ISG20L2: variants seen among roughly 807,000 people sequenced by gnomAD.
ISG20L2 encodes interferon-stimulated 20 kDa exonuclease-like 2.
ISG20L2 carries 14 observed loss-of-function variants against 27.8 expected under a neutral mutation model. The observed-to-expected ratio is 0.50, with a 90% CI of 0.33 to 0.79. The LOEUF is 0.79. Among genes scored for constraint, ISG20L2 ranks in the 30% least tolerant of loss-of-function variants. The probability of loss-of-function intolerance (pLI) is 0.02; values close to 1 mark genes in which losing one functional copy is unlikely to be tolerated. For missense variants in ISG20L2, 393 were observed against 435.1 expected, an observed-to-expected ratio of 0.90 and a Z score of 0.86; for synonymous variants, 157 against 165.7, an observed-to-expected ratio of 0.95 and a Z score of 0.40.
chr1:156,724,167 A>T lies in ISG20L2; in HGVS notation c.929T>A (p.Leu310Gln). 11 of 1,612,800 alleles carry T rather than the reference A, an allele frequency of 6.8e-6. No individual in the cohort carries two copies. The highest frequency in any genetic ancestry group is 9.3e-6 in the Non-Finnish European group (11 of 1,179,686). ...TGCTACCTGGATATCCCGGTTTAGC[A>T]GCTTCTTGGTGAGATGCTTCAGAGA... ...TMSLKHLTKKLLNRDIQVGKS... is the reference protein window; with the variant it reads ...TMSLKHLTKKQLNRDIQVGKS... The change falls in exon 3 of 4, where the codon CTG (leucine) becomes CAG (glutamine). Residue 310 changes from leucine (L) to glutamine (Q), a missense_variant. By Grantham distance (113) the Leu-to-Gln change is moderately radical. Around this residue, in one of 3 missense-constraint regions of ISG20L2, gnomAD observed 171 missense variants for 195.3 expected, o/e 0.88. Coordinates refer to ENST00000368219, the MANE Select transcript of ISG20L2 (RefSeq NM_001370150.2).
Position 156,726,766 on chromosome 1 carries a change from G to C in ISG20L2, c.747+140C>G, listed in dbSNP as rs1006306043. 62 of 1,456,404 alleles carry C rather than the reference G, an allele frequency of 4.3e-5. No homozygotes were observed. The South Asian group carries it at 6.3e-4, about 15-fold the overall frequency. The allele number at this position is 1,456,404 out of a possible 1,614,324, so 90.2% of individuals were successfully genotyped here. A position where few individuals can be genotyped will look rare whatever the true frequency, so the allele number is the denominator to read the frequency against. ...TCACTGCTTCTTCCACCGACAGGGG[G>C]CCTTCTTCAACAACTGATAGATTCT... On this transcript the variant is annotated intron_variant, in intron 2 of 3. Transcript: ENST00000368219.
Position 156,726,773 on chromosome 1 carries a change from TCAA to T in ISG20L2, c.747+130_747+132del, listed in dbSNP as rs909425165. 908 of 1,469,294 alleles carry T rather than the reference TCAA, an allele frequency of 6.2e-4. 7 individuals carry two copies. In the African/African-American group the frequency reaches 0.011, roughly 18 times the overall value. The allele number at this position is 1,469,294 out of a possible 1,614,324, so 91.0% of individuals were successfully genotyped here. A position where few individuals can be genotyped will look rare whatever the true frequency, so the allele number is the denominator to read the frequency against. On this transcript the variant is annotated intron_variant, in intron 2 of 3. Transcript: ENST00000368219. ...TTCTTCCACCGACAGGGGGCCTTCT[TCAA>T]CAACTGATAGATTCTCCTCCCTCCC...
Position 156,723,109 on chromosome 1 carries a change from A to G in ISG20L2, c.*240T>C, listed in dbSNP as rs1323214652. 6.1e-6 allele frequency: 3 copies of G among 489,632 alleles called. No individual in the cohort carries two copies. The highest frequency in any genetic ancestry group is 5.4e-4 in the Middle Eastern group (1 of 1,848). The allele number at this position is 489,632 out of a possible 1,614,324, so 30.3% of individuals were successfully genotyped here. ...CTGTGGTTAGCACCATTTAAGAAGT[A>G]AAAGGTATAGGGTTGGGTTCTGACG... is the stretch of plus-strand genomic sequence containing the variant. On this transcript the variant is annotated 3_prime_UTR_variant, in exon 4 of 4. Coordinates refer to ENST00000368219, the MANE Select transcript of ISG20L2 (RefSeq NM_001370150.2).
intron 1 of ISG20L2, 39 bp downstream of exon 1, chr1:156,728,376 C>G (rs1648912221): frequency 2.0e-6 from 2 of 985,446 alleles, no homozygotes; most frequent in Non-Finnish European, 2.4e-6. Context: ...ACTTCGGATC[C>G]CCGCGGTACA....
rs1133856 is a variant in ISG20L2 at position 156,723,343 on chromosome 1, C to T, written c.*6G>A. On this transcript the variant is annotated 3_prime_UTR_variant, in exon 4 of 4. Coordinates refer to ENST00000368219, the MANE Select transcript of ISG20L2 (RefSeq NM_001370150.2). Reference sequence around the variant, plus strand: ...CCTCCTCATATCACCAGCGTCCCCACTGCCACTAGTCTGTAGGGGGATTCC... The same window carrying T: ...CCTCCTCATATCACCAGCGTCCCCATTGCCACTAGTCTGTAGGGGGATTCC... 0.044 allele frequency: 71,317 copies of T among 1,614,062 alleles called. 1,928 individuals carry two copies. Among genetic ancestry groups the T allele is most frequent in the Non-Finnish European group, 0.053 (62,133 of 1,179,946 alleles).
intron 2 of ISG20L2, chr1:156,724,630 A>G: frequency 8.5e-7 from 1 of 1,177,700 alleles, no homozygotes; most frequent in Non-Finnish European, 1.1e-6. Flanking sequence ...CTTCAGTCCT[A>G]AATGACACTC....
chr1:156,727,908 A>G (rs1648877425), intron 1 of ISG20L2, 139 bp from the exon 2 acceptor site: 1 of 1,244,168 alleles, frequency 8.0e-7, no homozygotes, highest in Non-Finnish European at 1.0e-6. Context: ...ACATAACATG[A>G]AATGATGGAG....
chr1:156,728,335 G>C (rs969772371), intron 1 of ISG20L2, 80 bp downstream of exon 1: 12 of 985,544 alleles, frequency 1.2e-5, no homozygotes, highest in Admixed American at 6.1e-5. Flanking sequence ...GGGTGGGATC[G>C]AGGCTTGAGG....
chr1:156,724,235 G>A lies in ISG20L2; in HGVS notation c.861C>T (p.Pro287=). The A allele has an allele frequency of 1.2e-6, 2 of 1,614,042 alleles. No individual in the cohort carries two copies. Among genetic ancestry groups the A allele is most frequent in the South Asian group, 1.1e-5 (1 of 91,072 alleles). The change falls in exon 3 of 4, where the codon CCC becomes CCT. Residue 287 remains proline (P), a synonymous_variant. Transcript: ENST00000368219. ...KSLTRDTSHI[P]PLNRKADCPE... ...GGCAGTCAGCCTTCCGGTTGAGGGG[G>A]GGGATATGGGAGGTGTCACGGGTGA...
rs954565907 is a variant in ISG20L2 at position 156,728,735 on chromosome 1, C to T, written c.-438G>A. On this transcript the variant is annotated 5_prime_UTR_variant, in exon 1 of 4. Transcript: ENST00000368219. Reference sequence around the variant, plus strand: ...CGGAACTGCAGCCCGCCGGACACCTCCGGCTTCACTTCCGTAAGAGGAGAG... The same window carrying T: ...CGGAACTGCAGCCCGCCGGACACCTTCGGCTTCACTTCCGTAAGAGGAGAG... The T allele has an allele frequency of 5.0e-6, 5 of 1,005,454 alleles. No homozygotes were observed. Among genetic ancestry groups the T allele is most frequent in the East Asian group, 1.0e-4 (1 of 9,910 alleles). 62.3% of individuals were successfully genotyped at this position (1,005,454 alleles called of 1,614,324 possible).
At chr1:156,727,894 G>T in intron 1 of ISG20L2, 125 bp from the exon 2 acceptor site, 1 of 1,271,570 alleles carries the variant, frequency 7.9e-7, no homozygotes, top group Non-Finnish European at 9.9e-7. Flanking sequence ...GAGGGGAAAT[G>T]AAAACATAAC....
At chr1:156,726,500 C>A in intron 2 of ISG20L2, 1 of 847,756 alleles carries the variant, frequency 1.2e-6, no homozygotes, top group Non-Finnish European at 1.4e-6. Flanking sequence ...GTGATCTCAG[C>A]TCACTGCAGC....
chr1:156,724,444 T>C, intron 2 of ISG20L2, 96 bp from the exon 3 acceptor site: 1 of 1,396,018 alleles, frequency 7.2e-7, no homozygotes, highest in Non-Finnish European at 9.6e-7. Flanking sequence ...CCTTCTGGAT[T>C]CTTTCACCAA....
Position 156,726,962 on chromosome 1 carries a change from C to T in ISG20L2, c.691G>A (p.Gly231Ser), listed in dbSNP as rs1248286676. 6.2e-7 allele frequency: 1 copy of T among 1,614,082 alleles called. No individual in the cohort carries two copies. Among genetic ancestry groups the T allele is most frequent in the Non-Finnish European group, 8.5e-7 (1 of 1,180,050 alleles). Residue 231 changes from glycine (G) to serine (S), a missense_variant, in exon 2 of 4, where the codon GGT becomes AGT. Physicochemically the swap from Gly to Ser is moderately conservative, Grantham distance 56. Around this residue, in one of 3 missense-constraint regions of ISG20L2, gnomAD observed 171 missense variants for 195.3 expected, o/e 0.88. Coordinates refer to ENST00000368219, the MANE Select transcript of ISG20L2 (RefSeq NM_001370150.2). ...TTCACCATGTGCTGCTTCCGGATAC[C>T]ACTCCACCTGGTTCGGTAGTCCACA... The part of the protein sequence containing the change: ...HIVDYRTRWS[G>S]IRKQHMVNAT...
chr1:156,728,318 A>C, intron 1 of ISG20L2, 97 bp downstream of exon 1: 1 of 985,762 alleles, frequency 1.0e-6, no homozygotes, highest in Non-Finnish European at 1.2e-6. Context: ...ACCATCTACC[A>C]GCGCGGGGGT....
chr1:156,726,185 C>T (rs1462475465), intron 2 of ISG20L2: 5 of 985,430 alleles, frequency 5.1e-6, no homozygotes, highest in Non-Finnish European at 4.8e-6. Context: ...CTCCTCCTGT[C>T]AACTTTCTGC....
Position 156,727,679 on chromosome 1 carries a change from T to C in ISG20L2, c.-27A>G, listed in dbSNP as rs1158474085. On this transcript the variant is annotated 5_prime_UTR_variant, in exon 2 of 4. Transcript: ENST00000368219. ...GGGACAATGGAAGGCGGAAGAGTAGTTGGGAAGAGTGGCTTATGGATGAAA... is the reference window on the plus strand; with the variant it reads ...GGGACAATGGAAGGCGGAAGAGTAGCTGGGAAGAGTGGCTTATGGATGAAA... The C allele has an allele frequency of 1.5e-5, 24 of 1,594,058 alleles. No individual in the cohort carries two copies. The highest frequency in any genetic ancestry group is 2.2e-5 in the East Asian group (1 of 44,768).
In ISG20L2 at chr1:156,722,196, A is replaced by C; in HGVS notation, c.*1153T>G. 6.6e-6 allele frequency: 1 copy of C among 152,212 alleles called. No individual in the cohort carries two copies. Among genetic ancestry groups the C allele is most frequent in the Non-Finnish European group, 1.5e-5 (1 of 68,048 alleles). The allele number at this position is 152,212 out of a possible 1,614,324, so 9.4% of individuals were successfully genotyped here. ...TGGGAAGAACAGGCAATATCCTGAC[A>C]CAGGCTAGATACAGACTCTGAGCCA... On this transcript the variant is annotated 3_prime_UTR_variant, in exon 4 of 4. Transcript: ENST00000368219.
chr1:156,723,603 G>A lies in ISG20L2; in HGVS notation c.949-141C>T. ...AGCAGCCTACAAAGACAGAATTCTG[G>A]TGGGGTCCTACTCCTTATGTAATTT... On this transcript the variant is annotated intron_variant, in intron 3 of 3. Coordinates refer to ENST00000368219, the MANE Select transcript of ISG20L2 (RefSeq NM_001370150.2). 2.0e-6 allele frequency: 3 copies of A among 1,467,192 alleles called. No individual in the cohort carries two copies. The South Asian group carries it at 4.1e-5, about 20-fold the overall frequency. The allele number at this position is 1,467,192 out of a possible 1,614,324, so 90.9% of individuals were successfully genotyped here. A position where few individuals can be genotyped will look rare whatever the true frequency, so the allele number is the denominator to read the frequency against.
Sources: gnomAD v4.1 joint callset for allele counts on GRCh38, gnomAD v4.1.1 for gene constraint, gnomAD v4.1.1 regional missense constraint, MANE v1.5 for transcripts, NCBI Gene and HGNC (gene_info 2026-07-23, HGNC 2026-07-21) for gene names.